Variants in MAPK10 observed in about 807,000 individuals in gnomAD.
MAPK10 encodes JNK3 alpha protein kinase.
Under a neutral mutation model 59.3 loss-of-function variants are expected in MAPK10, and 25 were observed. The ratio of observed to expected loss-of-function variants is 0.42; its 90% CI spans 0.31 to 0.59. The LOEUF is 0.59. Ranked by LOEUF, MAPK10 falls within the 20% of genes least tolerant of loss-of-function variation. The pLI is 0.15. For missense variants in MAPK10, 351 were observed against 568.9 expected (o/e 0.62, Z 3.90); for synonymous variants, 190 against 200.5 (o/e 0.95, Z 0.44).
intron 9 of MAPK10, among the ~76,000 whole-genome samples, chr4:86,069,505 C>T (rs1406499679): frequency 6.6e-6 from 1 of 152,070 alleles, no homozygotes; most frequent in East Asian, 1.9e-4. Flanking sequence ...GAAACTAAAA[C>T]ATTATATAAG....
intron 1 of MAPK10, among the ~76,000 whole-genome samples, chr4:86,550,185 G>C (rs927266636): frequency 1.1e-4 from 16 of 145,442 alleles, no homozygotes; most frequent in Non-Finnish European, 3.1e-5. Context: ...CATACATATA[G>C]AACTACTAGC....
intron 1 of MAPK10, among the ~76,000 whole-genome samples, chr4:86,460,514 A>T (rs1430236503): frequency 6.6e-6 from 1 of 152,274 alleles, no homozygotes; most frequent in Admixed American, 6.5e-5. Flanking sequence ...AATTAATGCC[A>T]ATAGTGTAAT....
chr4:86,509,413 A>T (rs992842460), intron 1 of MAPK10, among the ~76,000 whole-genome samples: 1 of 151,868 alleles, frequency 6.6e-6, no homozygotes, highest in Non-Finnish European at 1.5e-5. Flanking sequence ...TATCTCTGGC[A>T]TAAAAATTGC....
At chr4:86,204,741 A>T (rs751076985) in intron 2 of MAPK10, among the ~76,000 whole-genome samples, 2 of 151,938 alleles carry the variant, frequency 1.3e-5, no homozygotes, top group African/African-American at 2.4e-5. Flanking sequence ...TCTTGTTAAG[A>T]AATTGTATCA....
chr4:86,115,998 G>A (rs1170028422), intron 4 of MAPK10, among the ~76,000 whole-genome samples: 2 of 152,186 alleles, frequency 1.3e-5, no homozygotes, highest in Non-Finnish European at 2.9e-5. Flanking sequence ...GGGCAACAGT[G>A]GATTTGGAAA....
chr4:86,101,191 G>T lies in MAPK10; in HGVS notation c.591C>A (p.Val197=), dbSNP rs1284283743. The change falls in exon 8 of 14, where the codon GTC becomes GTA. Residue 197 remains valine, a synonymous_variant. Coordinates refer to ENST00000641462, the MANE Select transcript of MAPK10 (RefSeq NM_138982.4). ...HRDLKPSNIV[V]KSDCTLKILD... ...GGATTTTCAATGTGCAATCAGACTT[G>T]ACTACAATGTTACTTGGTTTTAAAT... 12 of 1,613,640 alleles carry T rather than the reference G, an allele frequency of 7.4e-6. No homozygotes were observed. Among genetic ancestry groups the T allele is most frequent in the Non-Finnish European group, 1.0e-5 (12 of 1,179,830 alleles).
chr4:86,525,385 GA>G (rs1479904600), intron 1 of MAPK10, among the ~76,000 whole-genome samples: 8 of 152,134 alleles, frequency 5.3e-5, no homozygotes, highest in Admixed American at 1.3e-4. Flanking sequence ...TGAGAGTGAG[GA>G]GGTTCCCAGG....
intron 3 of MAPK10, among the ~76,000 whole-genome samples, chr4:86,185,870 G>A (rs2078094751): frequency 1.3e-5 from 2 of 152,096 alleles, no homozygotes; most frequent in African/African-American, 4.8e-5. Context: ...GAGGATAGAT[G>A]AGGTGTTGCT....
intron 1 of MAPK10, among the ~76,000 whole-genome samples, chr4:86,555,057 C>T (rs1162822443): frequency 6.6e-6 from 1 of 152,232 alleles, no homozygotes; most frequent in Non-Finnish European, 1.5e-5. Flanking sequence ...TCTGTCAAGC[C>T]ATCCCTAATT....
chr4:86,367,332 C>T (rs1738056940), intron 1 of MAPK10, among the ~76,000 whole-genome samples: 1 of 152,114 alleles, frequency 6.6e-6, no homozygotes, highest in African/African-American at 2.4e-5. Flanking sequence ...AATGCCTTCC[C>T]TCAGAGTCAG....
intron 1 of MAPK10, among the ~76,000 whole-genome samples, chr4:86,442,351 C>A (rs966076368): frequency 6.6e-6 from 1 of 152,052 alleles, no homozygotes; most frequent in African/African-American, 2.4e-5. Context: ...ATCCTAATGG[C>A]AACTATGAGA....
At chr4:86,385,102 T>C (rs750447406) in intron 1 of MAPK10, among the ~76,000 whole-genome samples, 1 of 152,122 alleles carries the variant, frequency 6.6e-6, no homozygotes, top group Non-Finnish European at 1.5e-5. Context: ...CTTTTTTTCA[T>C]ACTTTGCCCT....
At chr4:86,523,520 A>G (rs1188131830) in intron 1 of MAPK10, among the ~76,000 whole-genome samples, 1 of 152,108 alleles carries the variant, frequency 6.6e-6, no homozygotes, top group African/African-American at 2.4e-5. Context: ...TTAAGGGGAA[A>G]TTTTCTTGCT....
chr4:86,058,592 C>A (rs2045105757), intron 11 of MAPK10, among the ~76,000 whole-genome samples: 1 of 149,606 alleles, frequency 6.7e-6, no homozygotes, highest in Non-Finnish European at 1.5e-5. Flanking sequence ...AGTAAATCGC[C>A]CCCTAGCTCT....
rs1162506350 is a variant in MAPK10, at chr4:86,304,387, CTTTTTTTTTTT to C, written c.-7+50132_-7+50142del. Among the ~76,000 whole-genome samples, 3 of 112,562 alleles carry C rather than the reference CTTTTTTTTTTT, an allele frequency of 2.7e-5. No individual in the cohort carries two copies. The South Asian group carries it at 8.6e-4, about 32-fold the overall frequency. 73.8% of individuals were successfully genotyped at this position (112,562 alleles called of 152,430 possible). ...CATTGTGGCTTGTTTTGGAGTATTT[CTTTTTTTTTTT>C]TTTTTTTTTTTTGAGACGGAGTCCC... On this transcript the variant is annotated intron_variant, in intron 2 of 13. Transcript: ENST00000641462.
chr4:86,412,194 A>C (rs1745270233), intron 1 of MAPK10, among the ~76,000 whole-genome samples: 1 of 152,306 alleles, frequency 6.6e-6, no homozygotes, highest in Non-Finnish European at 1.5e-5. Context: ...TCTGGGTTGA[A>C]AATTCTTTCC....
intron 11 of MAPK10, among the ~76,000 whole-genome samples, chr4:86,059,416 A>G (rs1054058100): frequency 2.6e-5 from 4 of 152,232 alleles, no homozygotes; most frequent in Non-Finnish European, 5.9e-5. Context: ...ACTTTACATT[A>G]TAAACAAACA....
intron 11 of MAPK10, among the ~76,000 whole-genome samples, chr4:86,058,407 A>G (rs974076189): frequency 1.3e-5 from 2 of 149,048 alleles, no homozygotes; most frequent in Admixed American, 1.3e-4. Context: ...TATTTCCCAG[A>G]TTTGTCTGTC....
At chr4:86,525,011 A>G (rs1405314687) in intron 1 of MAPK10, among the ~76,000 whole-genome samples, 1 of 151,956 alleles carries the variant, frequency 6.6e-6, no homozygotes, top group African/African-American at 2.4e-5. Context: ...AAAGAAACAC[A>G]AGCAGTCCAG....
Sources: allele counts gnomAD v4.1 joint callset (sites outside exome capture counted in the v4.1 genomes callset), GRCh38; gene constraint gnomAD v4.1.1; transcripts MANE v1.5; gene names NCBI Gene and HGNC (gene_info 2026-07-23, HGNC 2026-07-21).